The following TLN2 variants were observed in gnomAD, a reference collection of about 807,000 sequenced individuals.
TLN2 encodes talin-2.
A neutral mutation model predicts 294.7 loss-of-function variants in TLN2; 118 were observed. The observed-to-expected ratio is 0.40, with a 90% CI of 0.34 to 0.47. The LOEUF is 0.47. TLN2 is among the 20% of genes least tolerant of loss of function. The pLI, the probability that TLN2 is intolerant of heterozygous loss-of-function variation, is 0.84. For synonymous variants in TLN2, 1,431 were observed against 1,304.5 expected, an observed-to-expected ratio of 1.10 and a Z score of -2.09; for missense variants, 3,083 against 3,282.2, an observed-to-expected ratio of 0.94 and a Z score of 1.48.
chr15:62,432,029 A>G (rs1046418028), intron 1 of TLN2, among the ~76,000 whole-genome samples: 1 of 152,184 alleles, frequency 6.6e-6, no homozygotes, highest in African/African-American at 2.4e-5. Context: ...AATGCAGACA[A>G]CAAATTCACT....
chr15:62,780,128 C>G (rs1258143112), intron 43 of TLN2, among the ~76,000 whole-genome samples: 1 of 152,268 alleles, frequency 6.6e-6, no homozygotes, highest in Non-Finnish European at 1.5e-5. Flanking sequence ...ATTCCCACTG[C>G]TGTCAACAGC....
chr15:62,456,624 G>A lies in TLN2; in HGVS notation c.-238+65939G>A, dbSNP rs117945247. 6.2e-3 allele frequency among the ~76,000 whole-genome samples: 950 copies of A among 152,322 alleles called. 12 individuals carry two copies. Among genetic ancestry groups the A allele is most frequent in the Non-Finnish European group, 0.011 (759 of 68,030 alleles). ...AAAGGAGGTAGTGACACTTATCAGG[G>A]CCTGTGTAGGAGACACAGAGCTGAG... is the stretch of plus-strand genomic sequence containing the variant. On this transcript the variant is annotated intron_variant, in intron 1 of 58. Transcript: ENST00000636159.
intron 8 of TLN2, 54 bp from the exon 9 acceptor site, chr15:62,657,717 A>G: frequency 6.3e-7 from 1 of 1,583,320 alleles, no homozygotes; most frequent in Non-Finnish European, 8.6e-7. Flanking sequence ...GTCAGTGGAG[A>G]GAACGTGTCA....
At chr15:62,750,516 A>G (rs772072199) in intron 34 of TLN2, 25 bp downstream of exon 34, 2 of 1,592,284 alleles carry the variant, frequency 1.3e-6, no homozygotes, top group Non-Finnish European at 1.7e-6. Flanking sequence ...GCCGTAAGTC[A>G]GAAGTTAGCA....
chr15:62,746,356 G>A (rs957314694), intron 32 of TLN2, among the ~76,000 whole-genome samples: 2 of 152,088 alleles, frequency 1.3e-5, no homozygotes, highest in African/African-American at 2.4e-5. Context: ...TACACCCTCC[G>A]CAATCCTTGG....
At chr15:62,534,362 C>T (rs1466867884) in intron 1 of TLN2, among the ~76,000 whole-genome samples, 3 of 152,180 alleles carry the variant, frequency 2.0e-5, no homozygotes, top group Admixed American at 2.0e-4. Flanking sequence ...AGGCTATATG[C>T]TGGGGGTTCC....
chr15:62,508,778 C>T (rs564949693), intron 1 of TLN2, among the ~76,000 whole-genome samples: 2 of 152,204 alleles, frequency 1.3e-5, no homozygotes, highest in African/African-American at 4.8e-5. Flanking sequence ...TCATGTTTCT[C>T]TATTTACGTT....
At chr15:62,759,864 C>T (rs2062554295) in intron 37 of TLN2, among the ~76,000 whole-genome samples, 1 of 152,218 alleles carries the variant, frequency 6.6e-6, no homozygotes, top group South Asian at 2.1e-4. Flanking sequence ...TGTCAGGCTC[C>T]TGCTGAGTGG....
At chr15:62,815,176 GTC>G (rs2067004671) in intron 52 of TLN2, among the ~76,000 whole-genome samples, 1 of 46,200 alleles carries the variant, frequency 2.2e-5, no homozygotes, top group Non-Finnish European at 6.3e-5. Context: ...TATTCTGTCT[GTC>G]ACACACACAC....
At chr15:62,755,817 AT>A in intron 37 of TLN2, 124 bp downstream of exon 37, 1 of 1,310,680 alleles carries the variant, frequency 7.6e-7, no homozygotes, top group Non-Finnish European at 1.0e-6. Flanking sequence ...ATTCAGTCTT[AT>A]GGTTTGTGTC....
chr15:62,783,289 G>A (rs1163503485), intron 44 of TLN2, among the ~76,000 whole-genome samples: 1 of 152,216 alleles, frequency 6.6e-6, no homozygotes, highest in African/African-American at 2.4e-5. Context: ...ACCTGGGTGG[G>A]ACCTGCTTCA....
chr15:62,486,087 A>G (rs759318911), intron 1 of TLN2, among the ~76,000 whole-genome samples: 1 of 152,196 alleles, frequency 6.6e-6, no homozygotes, highest in Admixed American at 6.5e-5. Context: ...TGCCATACTT[A>G]TCATTCTCTG....
chr15:62,819,715 C>T, intron 53 of TLN2, 94 bp downstream of exon 53: 1 of 1,099,834 alleles, frequency 9.1e-7, no homozygotes, highest in Non-Finnish European at 1.3e-6. Flanking sequence ...ACGGCAATGG[C>T]CTTTAGCTGG....
chr15:62,465,153 A>G (rs184998613), intron 1 of TLN2, among the ~76,000 whole-genome samples: 248 of 143,114 alleles, frequency 1.7e-3, no homozygotes, highest in Non-Finnish European at 3.0e-3. Flanking sequence ...GGCAAATGAA[A>G]TATGCTAAGC....
intron 22 of TLN2, 90 bp downstream of exon 22, chr15:62,712,167 A>G (rs2059467759): frequency 3.3e-6 from 5 of 1,494,170 alleles, no homozygotes; most frequent in South Asian, 2.6e-5. Context: ...TGGTCATCCG[A>G]GTGTGCATTT....
intron 9 of TLN2, among the ~76,000 whole-genome samples, chr15:62,669,741 A>T (rs2055172213): frequency 1.3e-5 from 2 of 152,224 alleles, no homozygotes; most frequent in Non-Finnish European, 2.9e-5. Context: ...TAATCAAAAC[A>T]ACAACTGAGC....
intron 52 of TLN2, among the ~76,000 whole-genome samples, chr15:62,816,952 C>T (rs770596638): frequency 1.3e-5 from 2 of 152,110 alleles, no homozygotes; most frequent in Non-Finnish European, 2.9e-5. Flanking sequence ...ACATGAGTCA[C>T]CCAGGGAACT....
At chr15:62,423,127 C>T (rs569112216) in intron 1 of TLN2, among the ~76,000 whole-genome samples, 49 of 152,324 alleles carry the variant, frequency 3.2e-4, no homozygotes, top group African/African-American at 1.1e-3. Flanking sequence ...GGTGCGGTGG[C>T]TCACGCCTGT....
At chr15:62,565,408 A>G (rs1484226141) in intron 1 of TLN2, among the ~76,000 whole-genome samples, 13 of 151,974 alleles carry the variant, frequency 8.6e-5, no homozygotes, top group Admixed American at 7.9e-4. Flanking sequence ...AATATGATCT[A>G]TGACACAAAT....
Sources: allele counts gnomAD v4.1 joint callset (sites outside exome capture counted in the v4.1 genomes callset), GRCh38; gene constraint gnomAD v4.1.1; transcripts MANE v1.5; gene names NCBI Gene and HGNC (gene_info 2026-07-23, HGNC 2026-07-21).